TMEM59L: variants seen among roughly 807,000 people sequenced by gnomAD.
The protein encoded by TMEM59L is transmembrane protein 59-like.
Under a neutral mutation model 39.6 loss-of-function variants are expected in TMEM59L, and 31 were observed. The ratio of observed to expected loss-of-function variants is 0.78; its 90% confidence interval spans 0.59 to 1.06. TMEM59L has a LOEUF of 1.06. Among genes scored for constraint, TMEM59L ranks in the 50% least tolerant of loss-of-function variants. The pLI is 0.00. For missense variants in TMEM59L, 441 were observed against 451.3 expected (o/e 0.98, Z 0.21); for synonymous variants, 219 against 202.9 (o/e 1.08, Z -0.68).
chr19:18,616,176 G>A, intron 4 of TMEM59L, 49 bp downstream of exon 4: 1 of 1,606,664 alleles, frequency 6.2e-7, no homozygotes, highest in African/African-American at 1.3e-5. Context: ...GGGTGGGCAG[G>A]GTAAGAAGAT....
intron 7 of TMEM59L, among the ~76,000 whole-genome samples, chr19:18,620,017 AC>A (rs1220973587): frequency 7.0e-6 from 1 of 142,930 alleles, no homozygotes; most frequent in Non-Finnish European, 1.6e-5. Flanking sequence ...ACACACACAC[AC>A]ACAAAAGTCC....
chr19:18,616,816 G>A (rs921200592), intron 4 of TMEM59L, among the ~76,000 whole-genome samples, 184 bp from the exon 5 acceptor site: 1 of 152,164 alleles, frequency 6.6e-6, no homozygotes, highest in African/African-American at 2.4e-5. Flanking sequence ...CTAAAGGATG[G>A]GGTTAAGGCA....
Position 18,614,201 on chromosome 19 carries a change from C to A in TMEM59L, c.408+6C>A. 6.3e-7 allele frequency: 1 copy of A among 1,586,734 alleles called. No homozygotes were observed. Among genetic ancestry groups the A allele is most frequent in the Non-Finnish European group, 8.6e-7 (1 of 1,169,388 alleles). ...AGCCTGAGCCGGAGCAGAAGGTGGG[C>A]CTCCCACTGCGGCCTGGGGTCCCTT... is the stretch of plus-strand genomic sequence containing the variant. On this transcript the variant is annotated splice_donor_region_variant and intron_variant, in intron 3 of 7. Coordinates refer to ENST00000262817, the MANE Select transcript of TMEM59L (RefSeq NM_012109.3).
chr19:18,616,878 C>T (rs1033827336), intron 4 of TMEM59L, 122 bp from the exon 5 acceptor site: 5 of 733,292 alleles, frequency 6.8e-6, no homozygotes, highest in African/African-American at 1.8e-5. Flanking sequence ...TCAAGCCCAC[C>T]CCTGATACCC....
chr19:18,613,004 C>T lies in TMEM59L; in HGVS notation c.46C>T (p.Leu16=). The change falls in exon 1 of 8, where the codon CTG becomes TTG. Residue 16 remains leucine, a synonymous_variant. Transcript: ENST00000262817. ...GCCACCGCCGCTGCTGCTGCTGCTGCTGTTGGCGTCGCCGCCCGCCGCCTC... is the reference window on the plus strand; with the variant it reads ...GCCACCGCCGCTGCTGCTGCTGCTGTTGTTGGCGTCGCCGCCCGCCGCCTC... ...LMPPPLLLLL[L]LASPPAASAP... is the part of the protein sequence containing the mutation. 1 of 1,380,154 alleles carries T rather than the reference C, an allele frequency of 7.2e-7. No individual in the cohort carries two copies. Among genetic ancestry groups the T allele is most frequent in the Non-Finnish European group, 9.3e-7 (1 of 1,069,662 alleles). 85.5% of individuals were successfully genotyped at this position (1,380,154 alleles called of 1,614,324 possible). A position where few individuals can be genotyped will look rare whatever the true frequency, so the allele number is the denominator to read the frequency against.
In TMEM59L at chr19:18,612,896, C is replaced by T; in HGVS notation, c.-63C>T. 1 of 1,242,824 alleles carries T rather than the reference C, an allele frequency of 8.0e-7. No homozygotes were observed. The highest frequency in any genetic ancestry group is 1.0e-6 in the Non-Finnish European group (1 of 990,014). 77.0% of individuals were successfully genotyped at this position (1,242,824 alleles called of 1,614,324 possible). On this transcript the variant is annotated 5_prime_UTR_variant, in exon 1 of 8. Coordinates refer to ENST00000262817, the MANE Select transcript of TMEM59L (RefSeq NM_012109.3). This position sits in a 1 kb window ranked among gnomAD's most constrained non-coding sequence, Gnocchi z 6.2. ...TCAGCGCCCCGGTCCCCGCCGCAGC[C>T]GCTGCATCCTCCGTGCCCGGCCTGA...
Position 18,614,014 on chromosome 19 carries a change from C to A in TMEM59L, c.314C>A (p.Ala105Glu). 2 of 1,613,344 alleles carry A rather than the reference C, an allele frequency of 1.2e-6. No individual in the cohort carries two copies. The highest frequency in any genetic ancestry group is 1.1e-5 in the South Asian group (1 of 91,084). Residue 105 changes from alanine (A) to glutamate (E), a missense_variant and splice_region_variant, in exon 2 of 8, where the codon GCA becomes GAA. Ala to Glu is a moderately radical substitution (Grantham distance 107, BLOSUM62 -1). Transcript: ENST00000262817. Reference sequence around the variant, plus strand: ...AATGCCACCCAAACTGAGTGTGAAGCAGGTGAGGGCCCGCCGGCAGGGTGG... The same window carrying A: ...AATGCCACCCAAACTGAGTGTGAAGAAGGTGAGGGCCCGCCGGCAGGGTGG... ...KPNATQTECE[A>E]ACVEAYVKEA... is the part of the protein sequence containing the mutation.
intron 7 of TMEM59L, 123 bp from the exon 8 acceptor site, chr19:18,620,285 G>A (rs1976480799): frequency 3.1e-6 from 3 of 971,478 alleles, no homozygotes; most frequent in Non-Finnish European, 4.4e-6. Context: ...CTGGGTGACA[G>A]AGAGAGACTC....
At chr19:18,614,654 C>A (rs1976408849) in intron 3 of TMEM59L, among the ~76,000 whole-genome samples, 2 of 152,250 alleles carry the variant, frequency 1.3e-5, no homozygotes, top group South Asian at 4.1e-4. Flanking sequence ...CTGGTCTAAG[C>A]CCTTCCCCTG....
In TMEM59L at chr19:18,614,031, G is replaced by A; in HGVS notation, c.316+15G>A. ...GTGTGAAGCAGGTGAGGGCCCGCCGGCAGGGTGGGCCAGCGTGGGGAGAGG... is the reference window on the plus strand; with the variant it reads ...GTGTGAAGCAGGTGAGGGCCCGCCGACAGGGTGGGCCAGCGTGGGGAGAGG... On this transcript the variant is annotated intron_variant, in intron 2 of 7. Transcript: ENST00000262817. 1 of 1,613,172 alleles carries A rather than the reference G, an allele frequency of 6.2e-7. No homozygotes were observed. The highest frequency in any genetic ancestry group is 8.5e-7 in the Non-Finnish European group (1 of 1,179,918).
rs141763263 is a variant in TMEM59L at position 18,618,197 on chromosome 19, G to A, written c.707G>A (p.Arg236Gln). ...PLDKVRKAKIRVKTSSKAKVE... is the reference protein window; with the variant it reads ...PLDKVRKAKIQVKTSSKAKVE... ...GACAAGGTGAGGAAGGCCAAGATCC[G>A]AGTCAAGACCAGCAGCAAGGCCAAG... Residue 236 changes from arginine (R) to glutamine (Q), a missense_variant, in exon 6 of 8, where the codon CGA becomes CAA. By Grantham distance (43) the Arg-to-Gln change is conservative. Coordinates refer to ENST00000262817, the MANE Select transcript of TMEM59L (RefSeq NM_012109.3). 1.6e-4 allele frequency: 262 copies of A among 1,612,816 alleles called. No individual in the cohort carries two copies. Among genetic ancestry groups the A allele is most frequent in the South Asian group, 5.2e-4 (47 of 91,040 alleles).
intron 7 of TMEM59L, 147 bp downstream of exon 7, chr19:18,618,639 A>C: frequency 1.8e-6 from 1 of 565,402 alleles, no homozygotes; most frequent in Admixed American, 3.2e-5. Flanking sequence ...ACATATATAT[A>C]CATATACGTG....
In TMEM59L at chr19:18,613,940, C is replaced by T; in HGVS notation, c.240C>T (p.Gly80=). Residue 80 remains glycine, a synonymous_variant, in exon 2 of 8, where the codon GGC becomes GGT. Transcript: ENST00000262817. ...RAVLISACER[G]CRLFSICRFV... ...TTCTGATCAGCGCTTGCGAGCGTGG[C>T]TGCCGCCTCTTCTCCATCTGCCGAT... 6.2e-7 allele frequency: 1 copy of T among 1,613,100 alleles called. No individual in the cohort carries two copies. Among genetic ancestry groups the T allele is most frequent in the Admixed American group, 1.7e-5 (1 of 60,030 alleles).
At chr19:18,619,468 T>A (rs1487589780) in intron 7 of TMEM59L, among the ~76,000 whole-genome samples, 1 of 152,198 alleles carries the variant, frequency 6.6e-6, no homozygotes, top group Non-Finnish European at 1.5e-5. Context: ...GCCCAGAGCC[T>A]GGGCAACATA....
chr19:18,616,854 C>T, intron 4 of TMEM59L, 146 bp from the exon 5 acceptor site: 1 of 663,504 alleles, frequency 1.5e-6, no homozygotes, highest in African/African-American at 1.8e-5. Context: ...AAGCAGAAAA[C>T]AACATCCCTG....
intron 3 of TMEM59L, among the ~76,000 whole-genome samples, chr19:18,615,376 G>A (rs946156409): frequency 8.5e-5 from 13 of 152,324 alleles, no homozygotes; most frequent in East Asian, 3.9e-4. Context: ...TGCCTGTGCC[G>A]TGCCAGGCAC....
chr19:18,618,665 GTGTGTGTGTA>G (rs1161232362), intron 7 of TMEM59L, among the ~76,000 whole-genome samples, 173 bp downstream of exon 7: 125 of 87,008 alleles, frequency 1.4e-3, no homozygotes, highest in Admixed American at 2.9e-3. Context: ...GTGTGTGTGT[GTGTGTGTGTA>G]TATATATATA....
intron 3 of TMEM59L, among the ~76,000 whole-genome samples, chr19:18,615,581 C>A (rs1327670214): frequency 6.6e-6 from 1 of 152,212 alleles, no homozygotes; most frequent in Non-Finnish European, 1.5e-5. Flanking sequence ...CAAGTGAATT[C>A]TCCTAGCTCC....
rs906927809 is a variant in TMEM59L, at chr19:18,613,020, C to T, written c.62C>T (p.Pro21Leu). ...LLLLLLLASP[P>L]AASAPSARDP... Reference sequence around the variant, plus strand: ...CTGCTGCTGCTGTTGGCGTCGCCGCCCGCCGCCTCCGCGCCGTCCGCCCGC... The same window carrying T: ...CTGCTGCTGCTGTTGGCGTCGCCGCTCGCCGCCTCCGCGCCGTCCGCCCGC... Residue 21 changes from proline to leucine, a missense_variant, in exon 1 of 8, where the codon CCC becomes CTC. Transcript: ENST00000262817. 5.8e-6 allele frequency: 8 copies of T among 1,387,082 alleles called. No individual in the cohort carries two copies. Among genetic ancestry groups the T allele is most frequent in the Non-Finnish European group, 7.5e-6 (8 of 1,072,108 alleles). 85.9% of individuals were successfully genotyped at this position (1,387,082 alleles called of 1,614,324 possible).
Sources: gnomAD v4.1 joint callset for allele counts (sites outside exome capture counted in the v4.1 genomes callset) on GRCh38, gnomAD v4.1.1 for gene constraint, Gnocchi (gnomAD v3.1) non-coding constraint, MANE v1.5 for transcripts, NCBI Gene and HGNC (gene_info 2026-07-23, HGNC 2026-07-21) for gene names.